RTTN: variants seen among roughly 807,000 people sequenced by gnomAD.
RTTN encodes rotatin.
Under a neutral mutation model 269.2 loss-of-function variants are expected in RTTN, and 182 were observed. That is an observed-to-expected ratio of 0.68 (90% CI 0.60 to 0.76). The LOEUF (loss-of-function observed/expected upper bound fraction) is 0.76, where lower values mean the gene tolerates loss of function less well. Ranked by LOEUF, RTTN falls within the 30% of genes least tolerant of loss-of-function variation. The pLI is 0.00. For synonymous variants in RTTN, 1,006 were observed against 963.5 expected (o/e 1.04, Z -0.82); for missense variants, 2,545 against 2,608.6 (o/e 0.98, Z 0.53).
At chr18:70,178,473 A>T (rs2061352650) in intron 10 of RTTN, among the ~76,000 whole-genome samples, 1 of 152,206 alleles carries the variant, frequency 6.6e-6, no homozygotes, top group African/African-American at 2.4e-5. Context: ...AAAGTTGCAT[A>T]GATAATGATA....
chr18:70,197,690 T>C lies in RTTN; in HGVS notation c.627A>G (p.Leu209=). 6.2e-7 allele frequency: 1 copy of C among 1,613,872 alleles called. No homozygotes were observed. Among genetic ancestry groups the C allele is most frequent in the Non-Finnish European group, 8.5e-7 (1 of 1,179,760 alleles). Residue 209 remains leucine (L), a synonymous_variant, in exon 6 of 49, where the codon CTA becomes CTG. Transcript: ENST00000640769. The part of the protein sequence containing the change: ...NHTLIWNTCE[L]LKDVIMQDFP... ...AATCTTGCATGATAACATCCTTCAA[T>C]AGTTCACAGGTGTTCCAGATTAAAG...
chr18:70,015,062 A>G (rs1334413029), intron 46 of RTTN, among the ~76,000 whole-genome samples: 1 of 151,758 alleles, frequency 6.6e-6, no homozygotes, highest in Non-Finnish European at 1.5e-5. Context: ...GCATTGCCAG[A>G]AACAAGGAAT....
chr18:70,147,763 G>A (rs922228757), intron 17 of RTTN, among the ~76,000 whole-genome samples: 1 of 151,992 alleles, frequency 6.6e-6, no homozygotes, highest in East Asian at 1.9e-4. Flanking sequence ...GCTCCTGGGG[G>A]TGTCCTGCCT....
chr18:70,092,313 C>T (rs4891394), intron 29 of RTTN, 93 bp from the exon 30 acceptor site: 61 of 801,452 alleles, frequency 7.6e-5, no homozygotes, highest in Admixed American at 5.5e-4. Flanking sequence ...ATGAAAACAA[C>T]GTGAAAATGT....
intron 1 of RTTN, 122 bp downstream of exon 1, chr18:70,205,506 A>G: frequency 7.0e-7 from 1 of 1,423,688 alleles, no homozygotes; most frequent in Non-Finnish European, 9.9e-7. Flanking sequence ...CTATCCTGAC[A>G]AAGCGGGGGT....
At chr18:70,176,457 G>C (rs1226763822) in intron 11 of RTTN, among the ~76,000 whole-genome samples, 1 of 152,086 alleles carries the variant, frequency 6.6e-6, no homozygotes, top group South Asian at 2.1e-4. Context: ...GCAACAGCAC[G>C]ATTAAAAAAT....
At chr18:70,187,663 G>A (rs2061577520) in intron 10 of RTTN, among the ~76,000 whole-genome samples, 1 of 152,154 alleles carries the variant, frequency 6.6e-6, no homozygotes, top group African/African-American at 2.4e-5. Context: ...TCATAGCAAT[G>A]TTAATATTGC....
chr18:70,140,269 T>A, intron 19 of RTTN, 81 bp from the exon 20 acceptor site: 1 of 749,566 alleles, frequency 1.3e-6, no homozygotes, highest in Non-Finnish European at 2.3e-6. Flanking sequence ...TCAGAACTGA[T>A]ATCCACACAA....
chr18:70,194,882 C>T (rs1003736108), intron 7 of RTTN: 26 of 152,080 alleles, frequency 1.7e-4, no homozygotes, highest in Non-Finnish European at 1.5e-4. Context: ...GATGGCTGCA[C>T]AACAATGTGA....
chr18:70,084,152 A>G (rs931898442), intron 32 of RTTN, among the ~76,000 whole-genome samples: 2 of 152,098 alleles, frequency 1.3e-5, no homozygotes, highest in African/African-American at 4.8e-5. Flanking sequence ...AGCCTATGAA[A>G]CAAGAGCACT....
chr18:70,061,834 T>C (rs2057996011), intron 35 of RTTN, among the ~76,000 whole-genome samples: 1 of 152,134 alleles, frequency 6.6e-6, no homozygotes, highest in Non-Finnish European at 1.5e-5. Flanking sequence ...ACCTCATCTC[T>C]TAAAAAACAA....
intron 32 of RTTN, among the ~76,000 whole-genome samples, chr18:70,078,465 C>A (rs766462424): frequency 2.0e-5 from 3 of 151,850 alleles, no homozygotes; most frequent in Non-Finnish European, 4.4e-5. Context: ...CTTAGAAAAA[C>A]TTTAGACATG....
In RTTN at chr18:70,169,062, G is replaced by C. The variant is rs373681156; in HGVS notation, c.1482C>G (p.Ser494Arg). The C allele has an allele frequency of 6.3e-7, 1 of 1,580,162 alleles. No individual in the cohort carries two copies. The highest frequency in any genetic ancestry group is 1.2e-5 in the South Asian group (1 of 83,044). Residue 494 changes from serine (S) to arginine (R), a missense_variant, in exon 12 of 49, where the codon AGC becomes AGG. By Grantham distance (110) the Ser-to-Arg change is moderately radical. Coordinates refer to ENST00000640769, the MANE Select transcript of RTTN (RefSeq NM_173630.4). Reference protein sequence around the residue: ...LQTLLPVEKASEFLSEPMSTA... With the variant: ...LQTLLPVEKAREFLSEPMSTA... ...TTGACATAGGCTCTGATAAAAACTC[G>C]CTTGCCTTGGTGAATTAAAAAAACA... is the stretch of plus-strand genomic sequence containing the variant.
chr18:70,170,501 G>A (rs1325462841), intron 11 of RTTN, among the ~76,000 whole-genome samples: 1 of 152,172 alleles, frequency 6.6e-6, no homozygotes, highest in Non-Finnish European at 1.5e-5. Context: ...TAGAACCCTG[G>A]AAGGGTCAGG....
At chr18:70,150,518 C>A in intron 15 of RTTN, 90 bp downstream of exon 15, 1 of 1,210,708 alleles carries the variant, frequency 8.3e-7, no homozygotes, top group Non-Finnish European at 1.2e-6. Flanking sequence ...TAGTTTCTCA[C>A]CATGCTATCT....
intron 20 of RTTN, 154 bp from the exon 21 acceptor site, chr18:70,139,870 G>C: frequency 1.6e-6 from 1 of 628,980 alleles, no homozygotes; most frequent in Non-Finnish European, 2.8e-6. Flanking sequence ...ACTTTCCACT[G>C]AAAGTAAGTT....
At chr18:70,093,942 C>T (rs548911958) in intron 28 of RTTN, among the ~76,000 whole-genome samples, 10 of 151,978 alleles carry the variant, frequency 6.6e-5, no homozygotes, top group Non-Finnish European at 1.3e-4. Context: ...TTCTTGGTTG[C>T]TAGGCTATTA....
In RTTN at chr18:70,006,451, T is replaced by C; in HGVS notation, c.6455A>G (p.Glu2152Gly). Residue 2152 changes from glutamate (E) to glycine (G), a missense_variant, in exon 47 of 49, where the codon GAA (glutamate) becomes GGA (glycine). By Grantham distance (98) the Glu-to-Gly change is moderately conservative (BLOSUM62 -2). Coordinates refer to ENST00000640769, the MANE Select transcript of RTTN (RefSeq NM_173630.4). Reference sequence around the variant, plus strand: ...CCTCTGAGCATTTTGATTCTCACTTTCCAGACAGGCAGCAAGCACAGTAAT... The same window carrying C: ...CCTCTGAGCATTTTGATTCTCACTTCCCAGACAGGCAGCAAGCACAGTAAT... ...KVITVLAACL[E>G]SENQNAQRIG... The C allele has an allele frequency of 6.2e-7, 1 of 1,614,086 alleles. No homozygotes were observed. Among genetic ancestry groups the C allele is most frequent in the South Asian group, 1.1e-5 (1 of 91,080 alleles).
chr18:70,061,454 T>C (rs980321677), intron 35 of RTTN: 5 of 455,896 alleles, frequency 1.1e-5, no homozygotes, highest in African/African-American at 1.0e-4. Context: ...AATGTATACA[T>C]TGCTATTTAG....
Sources: allele counts gnomAD v4.1 joint callset (sites outside exome capture counted in the v4.1 genomes callset), GRCh38; gene constraint gnomAD v4.1.1; transcripts MANE v1.5; gene names NCBI Gene and HGNC (gene_info 2026-07-23, HGNC 2026-07-21).